SORCS2: variants seen among roughly 807,000 people sequenced by gnomAD.
SORCS2 encodes the protein VPS10 domain-containing receptor SorCS2.
In SORCS2, 100 loss-of-function variants were observed where a neutral mutation model predicts 141.6. That is an observed-to-expected ratio of 0.71 (90% CI 0.60 to 0.83). The LOEUF (loss-of-function observed/expected upper bound fraction) is 0.83, where lower values mean the gene tolerates loss of function less well. Among genes scored for constraint, SORCS2 ranks in the 40% least tolerant of loss-of-function variants. The pLI, the probability that SORCS2 is intolerant of heterozygous loss-of-function variation, is 0.00. For missense variants in SORCS2, 1,646 were observed against 1,560.2 expected (o/e 1.05, Z -0.93); for synonymous variants, 789 against 676.9 (o/e 1.17, Z -2.57).
intron 1 of SORCS2, among the ~76,000 whole-genome samples, chr4:7,359,546 G>A (rs1334470761): frequency 6.6e-6 from 1 of 152,160 alleles, no homozygotes; most frequent in Non-Finnish European, 1.5e-5. Flanking sequence ...AAATCCCTGG[G>A]CCGACGTCCT....
chr4:7,646,832 G>A (rs1049373483), intron 4 of SORCS2, among the ~76,000 whole-genome samples: 14 of 152,184 alleles, frequency 9.2e-5, no homozygotes, highest in Non-Finnish European at 1.3e-4. Flanking sequence ...GGAAGCCCAC[G>A]TCAGCTAATA....
intron 9 of SORCS2, among the ~76,000 whole-genome samples, chr4:7,681,320 G>A (rs1189674269): frequency 6.6e-6 from 1 of 152,228 alleles, no homozygotes; most frequent in Non-Finnish European, 1.5e-5. Flanking sequence ...ATCTGGAGGG[G>A]CCTAGTGTCA....
chr4:7,674,578 TAAAAAAAAAAAAAAA>T (rs377431157), intron 8 of SORCS2, among the ~76,000 whole-genome samples: 9 of 82,578 alleles, frequency 1.1e-4, no homozygotes, highest in African/African-American at 3.1e-4. Context: ...TGTCTCAAAA[TAAAAAAAAAAAAAAA>T]AAAAAAAAAA....
At position 7,394,727 on chromosome 4, in the gene SORCS2, C is replaced by T. The variant is rs111411303; in HGVS notation, c.481-1561C>T. Among the ~76,000 whole-genome samples the T allele has an allele frequency of 8.7e-3, 1,330 of 152,166 alleles. 23 individuals carry two copies. Among genetic ancestry groups the T allele is most frequent in the African/African-American group, 0.03 (1,240 of 41,510 alleles). The stretch of plus-strand genomic sequence containing the variant: ...GGAGTGACGGGGATGTGAAGCCAGC[C>T]TCACAGCAGGGTGCGCCCCAAACCC... On this transcript the variant is annotated intron_variant, in intron 1 of 26. Transcript: ENST00000507866.
intron 1 of SORCS2, among the ~76,000 whole-genome samples, chr4:7,228,129 A>C (rs1233127634): frequency 6.6e-6 from 1 of 152,106 alleles, no homozygotes; most frequent in African/African-American, 2.4e-5. Context: ...CTAAGACAAG[A>C]TGTAGGCAGG....
intron 3 of SORCS2, among the ~76,000 whole-genome samples, chr4:7,550,417 G>C (rs1713609270): frequency 6.6e-6 from 1 of 152,222 alleles, no homozygotes; most frequent in African/African-American, 2.4e-5. Context: ...GGGACTCCAA[G>C]GTGCTCTGGC....
At chr4:7,433,867 A>G in intron 2 of SORCS2, 1 of 1,613,836 alleles carries the variant, frequency 6.2e-7, no homozygotes, top group Non-Finnish European at 8.5e-7. Flanking sequence ...GTCCACCAAG[A>G]TGATGCACTC....
chr4:7,729,113 G>A (rs1727427030), intron 22 of SORCS2, among the ~76,000 whole-genome samples: 1 of 152,222 alleles, frequency 6.6e-6, no homozygotes, highest in South Asian at 2.1e-4. Context: ...ACCTACATGA[G>A]CAGTGCCTAT....
intron 1 of SORCS2, among the ~76,000 whole-genome samples, chr4:7,222,367 C>G (rs527914985): frequency 6.6e-6 from 1 of 152,156 alleles, no homozygotes; most frequent in African/African-American, 2.4e-5. Flanking sequence ...GACACTCAGT[C>G]AAAGAAGCCA....
chr4:7,223,419 C>T (rs762357878), intron 1 of SORCS2, among the ~76,000 whole-genome samples: 17 of 152,134 alleles, frequency 1.1e-4, no homozygotes, highest in Admixed American at 7.2e-4. Flanking sequence ...GGTGGCCACA[C>T]GGTCATTTCT....
At chr4:7,672,824 A>G (rs895141358) in intron 8 of SORCS2, among the ~76,000 whole-genome samples, 2 of 152,232 alleles carry the variant, frequency 1.3e-5, no homozygotes, top group African/African-American at 4.8e-5. Flanking sequence ...TCATGCTTGT[A>G]AAATCTAGCC....
intron 3 of SORCS2, among the ~76,000 whole-genome samples, chr4:7,595,832 A>G (rs1344113969): frequency 6.6e-6 from 1 of 152,140 alleles, no homozygotes; most frequent in Non-Finnish European, 1.5e-5. Context: ...AGCACTTTCT[A>G]GGCACCAGGC....
At chr4:7,433,956 G>C (rs1727086294) in intron 2 of SORCS2, 7 of 1,613,722 alleles carry the variant, frequency 4.3e-6, no homozygotes, top group Non-Finnish European at 5.9e-6. Context: ...TGTTGGACAT[G>C]AGCCAGTGGT....
At chr4:7,574,194 G>A (rs574039574) in intron 3 of SORCS2, among the ~76,000 whole-genome samples, 37 of 152,366 alleles carry the variant, frequency 2.4e-4, no homozygotes, top group Admixed American at 5.9e-4. Context: ...GGTCCCGTGC[G>A]CCTTTGCGGC....
intron 1 of SORCS2, among the ~76,000 whole-genome samples, chr4:7,313,585 G>A (rs1718345788): frequency 6.6e-6 from 1 of 152,200 alleles, no homozygotes; most frequent in African/African-American, 2.4e-5. Context: ...TTTGGGCCAT[G>A]CCAGGGATTG....
chr4:7,698,041 C>T (rs1417710431), intron 12 of SORCS2, among the ~76,000 whole-genome samples: 1 of 151,928 alleles, frequency 6.6e-6, no homozygotes, highest in African/African-American at 2.4e-5. Flanking sequence ...GTCGGTACCA[C>T]GTGTCCTGCG....
intron 1 of SORCS2, among the ~76,000 whole-genome samples, chr4:7,196,122 G>C (rs1727152775): frequency 6.6e-6 from 1 of 152,206 alleles, no homozygotes; most frequent in Non-Finnish European, 1.5e-5. Flanking sequence ...CATGGAGATA[G>C]AGAAGGGGAC....
At chr4:7,197,194 C>A (rs1193045033) in intron 1 of SORCS2, among the ~76,000 whole-genome samples, 3 of 152,192 alleles carry the variant, frequency 2.0e-5, no homozygotes, top group Admixed American at 2.0e-4. Flanking sequence ...TCCTCATCTC[C>A]ATTTCTTGTA....
At chr4:7,679,655 G>A (rs1409309518) in intron 9 of SORCS2, among the ~76,000 whole-genome samples, 1 of 152,126 alleles carries the variant, frequency 6.6e-6, no homozygotes, top group African/African-American at 2.4e-5. Context: ...CCTGGAGTCT[G>A]CAGAGGGAGC....
Sources: allele counts gnomAD v4.1 joint callset (sites outside exome capture counted in the v4.1 genomes callset), GRCh38; gene constraint gnomAD v4.1.1; transcripts MANE v1.5; gene names NCBI Gene and HGNC (gene_info 2026-07-23, HGNC 2026-07-21).